ALK: variants seen among roughly 807,000 people sequenced by gnomAD.
ALK encodes ALK tyrosine kinase receptor.
A neutral mutation model predicts 163.1 loss-of-function variants in ALK; 74 were observed. The ratio of observed to expected loss-of-function variants is 0.45; its 90% CI spans 0.38 to 0.55. The LOEUF (loss-of-function observed/expected upper bound fraction) is 0.55, where lower values mean the gene tolerates loss of function less well. Among genes scored for constraint, ALK ranks in the 20% least tolerant of loss-of-function variants. The pLI is 0.00. For missense variants in ALK, 2,063 were observed against 2,105.3 expected (o/e 0.98, Z 0.39); for synonymous variants, 960 against 843.2 (o/e 1.14, Z -2.40).
intron 1 of ALK, chr2:29,899,753 G>A (rs1016728097): frequency 1.3e-5 from 2 of 151,700 alleles, no homozygotes; most frequent in Non-Finnish European, 2.9e-5. Flanking sequence ...TTGAACCCGG[G>A]AGGCAAAGGT....
chr2:29,911,934 A>T (rs186875961), intron 1 of ALK, among the ~76,000 whole-genome samples: 1 of 152,346 alleles, frequency 6.6e-6, no homozygotes, highest in Non-Finnish European at 1.5e-5. Context: ...TCATCAAGAA[A>T]CAGAAGTCAT....
chr2:29,449,438 A>T (rs926261295), intron 4 of ALK, among the ~76,000 whole-genome samples: 1 of 152,148 alleles, frequency 6.6e-6, no homozygotes, highest in Non-Finnish European at 1.5e-5. Flanking sequence ...TTTTCTTCAA[A>T]CTGCTTGGCA....
chr2:29,255,993 T>C (rs371918478), intron 11 of ALK, among the ~76,000 whole-genome samples: 3 of 152,076 alleles, frequency 2.0e-5, no homozygotes, highest in Admixed American at 6.6e-5. Flanking sequence ...TCAGGTAGGG[T>C]AGACATGAGA....
intron 5 of ALK, among the ~76,000 whole-genome samples, chr2:29,338,194 G>T (rs1244200167): frequency 6.6e-6 from 1 of 152,180 alleles, no homozygotes; most frequent in Admixed American, 6.5e-5. Flanking sequence ...GGCTCTGTTA[G>T]ATCCTTGCAG....
chr2:29,858,871 T>C (rs1373697111), intron 1 of ALK, among the ~76,000 whole-genome samples: 1 of 151,234 alleles, frequency 6.6e-6, no homozygotes, highest in Non-Finnish European at 1.5e-5. Context: ...AAACCTGGTA[T>C]CTACTAAAAA....
At chr2:29,591,425 C>T (rs1379435741) in intron 3 of ALK, among the ~76,000 whole-genome samples, 1 of 152,132 alleles carries the variant, frequency 6.6e-6, no homozygotes. Flanking sequence ...AAGGGAAGCA[C>T]CGAAAGCAAG....
At chr2:29,710,508 G>GTGTC (rs59159536) in intron 2 of ALK, among the ~76,000 whole-genome samples, 5,749 of 150,014 alleles carry the variant, frequency 0.038, 395 homozygotes, top group African/African-American at 0.14. Flanking sequence ...GCGTGTGTGT[G>GTGTC]TGTGTGTGTG....
chr2:29,245,931 G>A (rs1318436835), intron 12 of ALK, among the ~76,000 whole-genome samples: 3 of 152,370 alleles, frequency 2.0e-5, no homozygotes, highest in South Asian at 2.1e-4. Context: ...GGCTGCACAC[G>A]CTGGTGCCCC....
chr2:29,289,418 T>A (rs1665959205), intron 9 of ALK, among the ~76,000 whole-genome samples: 1 of 152,192 alleles, frequency 6.6e-6, no homozygotes, highest in Non-Finnish European at 1.5e-5. Flanking sequence ...CTGCATGGCT[T>A]ATAATTGCCT....
At chr2:29,635,265 C>T (rs1676487856) in intron 3 of ALK, among the ~76,000 whole-genome samples, 1 of 152,168 alleles carries the variant, frequency 6.6e-6, no homozygotes, top group African/African-American at 2.4e-5. Flanking sequence ...ATAACAGGTT[C>T]TAAACTAAAT....
intron 12 of ALK, among the ~76,000 whole-genome samples, chr2:29,245,800 C>T (rs1189074403): frequency 2.6e-5 from 4 of 151,168 alleles, no homozygotes; most frequent in East Asian, 3.9e-4. Context: ...AGCTCAGTGC[C>T]CTGCACATAG....
intron 2 of ALK, among the ~76,000 whole-genome samples, chr2:29,700,960 G>A (rs1678715074): frequency 6.6e-6 from 1 of 152,198 alleles, no homozygotes; most frequent in South Asian, 2.1e-4. Flanking sequence ...CAGGCCCAAG[G>A]CCTGTGCCTA....
At chr2:29,272,185 G>GGGGAGAGAGA (rs1553402257) in intron 11 of ALK, among the ~76,000 whole-genome samples, 22 of 145,154 alleles carry the variant, frequency 1.5e-4, no homozygotes, top group African/African-American at 4.8e-4. Flanking sequence ...GTCGGGTGAG[G>GGGGAGAGAGA]GAGAGAGAGA....
At chr2:29,541,235 C>G (rs994570360) in intron 3 of ALK, among the ~76,000 whole-genome samples, 6 of 152,114 alleles carry the variant, frequency 3.9e-5, no homozygotes, top group African/African-American at 1.4e-4. Flanking sequence ...ATTTGTTTTC[C>G]ACTCTTTTGT....
intron 1 of ALK, among the ~76,000 whole-genome samples, chr2:29,870,699 C>G (rs1433941501): frequency 6.6e-6 from 1 of 152,132 alleles, no homozygotes; most frequent in Non-Finnish European, 1.5e-5. Context: ...AAAAATACAT[C>G]TGCTTCTACA....
At chr2:29,389,042 T>C (rs4666210) in intron 4 of ALK, among the ~76,000 whole-genome samples, 137,768 of 152,212 alleles carry the variant, frequency 0.91, 62,632 homozygotes, top group Middle Eastern at 0.98. Context: ...GAAAAGATGC[T>C]TGGTGTCTAG....
chr2:29,749,684 C>A (rs1185793395), intron 1 of ALK, among the ~76,000 whole-genome samples: 2 of 152,158 alleles, frequency 1.3e-5, no homozygotes, highest in Non-Finnish European at 2.9e-5. Flanking sequence ...TCCCCCACAG[C>A]CCACAGCATC....
At chr2:29,718,410 C>T (rs576432572) in intron 1 of ALK, among the ~76,000 whole-genome samples, 1 of 152,196 alleles carries the variant, frequency 6.6e-6, no homozygotes, top group Non-Finnish European at 1.5e-5. Context: ...TCATGCACTG[C>T]CTGATCTAAC....
rs376161261 is a variant in ALK, at chr2:29,320,708, C to A, written c.1546+43G>T. On this transcript the variant is annotated intron_variant, in intron 7 of 28. Coordinates refer to ENST00000389048, the MANE Select transcript of ALK (RefSeq NM_004304.5). Reference sequence around the variant, plus strand: ...TGAGTCTCCCATCTGTCTATGTGGGCATGAAGATGGGCACCAGAGAGAAGG... The same window carrying A: ...TGAGTCTCCCATCTGTCTATGTGGGAATGAAGATGGGCACCAGAGAGAAGG... 4 of 1,611,772 alleles carry A rather than the reference C, an allele frequency of 2.5e-6. No individual in the cohort carries two copies. In the African/African-American group the frequency reaches 5.3e-5, roughly 22 times the overall value.
Sources: allele counts gnomAD v4.1 joint callset (sites outside exome capture counted in the v4.1 genomes callset), GRCh38; gene constraint gnomAD v4.1.1; transcripts MANE v1.5; gene names NCBI Gene and HGNC (gene_info 2026-07-23, HGNC 2026-07-21).